The following RAP2A variants were observed in gnomAD, a reference collection of about 807,000 sequenced individuals.
RAP2A encodes the protein RAP2A, member of RAS oncogene family.
A neutral mutation model predicts 15.1 loss-of-function variants in RAP2A; 5 were observed. That is an observed-to-expected ratio of 0.33 (90% CI 0.17 to 0.70). RAP2A has a LOEUF of 0.70. Ranked by LOEUF, RAP2A falls within the 30% of genes least tolerant of loss-of-function variation. The pLI, the probability that RAP2A is intolerant of heterozygous loss-of-function variation, is 0.68. For missense variants in RAP2A, 111 were observed against 240.3 expected, an observed-to-expected ratio of 0.46 and a Z score of 3.56; for synonymous variants, 110 against 99.7, an observed-to-expected ratio of 1.10 and a Z score of -0.62.
rs1239621018 is a variant in RAP2A at position 97,467,359 on chromosome 13, T to C, written c.*2917T>C. On this transcript the variant is annotated 3_prime_UTR_variant, in exon 2 of 2. Coordinates refer to ENST00000245304, the MANE Select transcript of RAP2A (RefSeq NM_021033.7). ...TGCTTTGATGATTTTCTCCTTTGGTTTGTAGAATTAGGACTGAACTTTTGA... is the reference window on the plus strand; with the variant it reads ...TGCTTTGATGATTTTCTCCTTTGGTCTGTAGAATTAGGACTGAACTTTTGA... The C allele has an allele frequency of 6.6e-6, 1 of 152,640 alleles. No homozygotes were observed. Among genetic ancestry groups the C allele is most frequent in the Non-Finnish European group, 1.5e-5 (1 of 68,042 alleles). The allele number at this position is 152,640 out of a possible 1,614,324, so 9.5% of individuals were successfully genotyped here. A position where few individuals can be genotyped will look rare whatever the true frequency, so the allele number is the denominator to read the frequency against.
intron 1 of RAP2A, among the ~76,000 whole-genome samples, chr13:97,438,500 G>T (rs1274078181): frequency 6.6e-6 from 1 of 152,074 alleles, no homozygotes; most frequent in Non-Finnish European, 1.5e-5. Flanking sequence ...AATGTTTTTT[G>T]TGAAATATCA....
chr13:97,461,624 G>A (rs1200978298), intron 1 of RAP2A, among the ~76,000 whole-genome samples: 2 of 152,088 alleles, frequency 1.3e-5, no homozygotes, highest in South Asian at 2.1e-4. Flanking sequence ...ACATATTCTA[G>A]TAGATCCTGA....
rs958263881 is a variant in RAP2A at position 97,468,680 on chromosome 13, A to G, written c.*4238A>G. The stretch of plus-strand genomic sequence containing the variant: ...AGGCACTGTAGATAGAATCCCAGAT[A>G]TTTAAAGGAAAACATGCCTATATTT... On this transcript the variant is annotated 3_prime_UTR_variant, in exon 2 of 2. Transcript: ENST00000245304. 6.6e-6 allele frequency: 1 copy of G among 152,250 alleles called. No homozygotes were observed. The highest frequency in any genetic ancestry group is 2.4e-5 in the African/African-American group (1 of 41,468). 9.4% of individuals were successfully genotyped at this position (152,250 alleles called of 1,614,324 possible).
chr13:97,464,195 T>G lies in RAP2A; in HGVS notation c.315-10T>G. ...TACAATGTATGTGTGTTTTGTTTAT[T>G]CTCTCATAGGTATGAGAAAGTGCCA... On this transcript the variant is annotated splice_polypyrimidine_tract_variant and intron_variant, in intron 1 of 1. Coordinates refer to ENST00000245304, the MANE Select transcript of RAP2A (RefSeq NM_021033.7). 1 of 1,613,186 alleles carries G rather than the reference T, an allele frequency of 6.2e-7. No individual in the cohort carries two copies.
At chr13:97,448,229 G>A (rs1347143210) in intron 1 of RAP2A, among the ~76,000 whole-genome samples, 1 of 152,164 alleles carries the variant, frequency 6.6e-6, no homozygotes, top group Non-Finnish European at 1.5e-5. Context: ...CTTGGCCAGA[G>A]GAATGGAAGC....
At chr13:97,449,232 ATAGT>A (rs767481899) in intron 1 of RAP2A, among the ~76,000 whole-genome samples, 45 of 152,196 alleles carry the variant, frequency 3.0e-4, no homozygotes, top group East Asian at 1.4e-3. Flanking sequence ...TTTTTATGGG[ATAGT>A]TGGTTGGGGG....
intron 1 of RAP2A, among the ~76,000 whole-genome samples, chr13:97,444,520 A>G (rs991640912): frequency 3.9e-5 from 6 of 152,196 alleles, no homozygotes; most frequent in Admixed American, 3.3e-4. Flanking sequence ...GTCTTTGTAT[A>G]AAAGTCATCA....
Position 97,443,912 on chromosome 13 carries a change from TGTA to T in RAP2A, c.314+9132_314+9134del, listed in dbSNP as rs1449789082. Among the ~76,000 whole-genome samples the T allele has an allele frequency of 3.3e-5, 5 of 152,236 alleles. No individual in the cohort carries two copies. The South Asian group carries it at 6.2e-4, about 19-fold the overall frequency. On this transcript the variant is annotated intron_variant, in intron 1 of 1. Transcript: ENST00000245304. ...TTCCTCATTTGTAATATGAGTATGA[TGTA>T]GTAACTCGTGAGATAACGAACGTAA... is the stretch of plus-strand genomic sequence containing the variant.
intron 1 of RAP2A, chr13:97,437,224 G>A (rs1248048775): frequency 6.6e-6 from 1 of 151,930 alleles, no homozygotes; most frequent in Non-Finnish European, 1.5e-5. Flanking sequence ...TATTAATAAG[G>A]TACTTTACTT....
chr13:97,446,935 T>C (rs1473035144), intron 1 of RAP2A, among the ~76,000 whole-genome samples: 2 of 152,246 alleles, frequency 1.3e-5, no homozygotes, highest in African/African-American at 2.4e-5. Flanking sequence ...AAATGGCTAT[T>C]TTAAGCCCCT....
chr13:97,438,039 A>G (rs528365879), intron 1 of RAP2A, among the ~76,000 whole-genome samples: 1 of 152,352 alleles, frequency 6.6e-6, no homozygotes, highest in East Asian at 1.9e-4. Flanking sequence ...TTGTAAATTC[A>G]TATGCTTTCT....
At chr13:97,441,957 A>G (rs978906440) in intron 1 of RAP2A, 7 of 216,830 alleles carry the variant, frequency 3.2e-5, no homozygotes, top group South Asian at 2.1e-4. Context: ...TATGCCATAT[A>G]TTATATATTG....
intron 1 of RAP2A, among the ~76,000 whole-genome samples, chr13:97,461,971 A>AAAAT (rs1555326904): frequency 1.1e-4 from 15 of 142,062 alleles, no homozygotes; most frequent in African/African-American, 4.0e-4. Flanking sequence ...TCAAAAAAAA[A>AAAAT]ATATATATAT....
At chr13:97,440,811 C>G (rs548213575) in intron 1 of RAP2A, among the ~76,000 whole-genome samples, 1 of 149,694 alleles carries the variant, frequency 6.7e-6, no homozygotes, top group Non-Finnish European at 1.5e-5. Context: ...TCTATCCATT[C>G]ATTCATTCAT....
rs557874403 is a variant in RAP2A, at chr13:97,435,481, A to C, written c.314+697A>C. On this transcript the variant is annotated intron_variant, in intron 1 of 1. Coordinates refer to ENST00000245304, the MANE Select transcript of RAP2A (RefSeq NM_021033.7). Reference sequence around the variant, plus strand: ...AACCCCTTCCAAAAAAAAAAAAAAAAAAAAAACACCACCACACCACCACCA... The same window carrying C: ...AACCCCTTCCAAAAAAAAAAAAAAACAAAAAACACCACCACACCACCACCA... Among the ~76,000 whole-genome samples the C allele has an allele frequency of 8.7e-5, 13 of 149,642 alleles. No homozygotes were observed. In the South Asian group the frequency reaches 2.3e-3, roughly 26 times the overall value.
intron 1 of RAP2A, among the ~76,000 whole-genome samples, chr13:97,452,397 AT>A (rs2066705512): frequency 6.6e-6 from 1 of 151,114 alleles, no homozygotes; most frequent in South Asian, 2.1e-4. Flanking sequence ...TCCCCAGTAA[AT>A]TGTAGCCGTA....
At chr13:97,443,263 G>A (rs1182004761) in intron 1 of RAP2A, among the ~76,000 whole-genome samples, 1 of 152,196 alleles carries the variant, frequency 6.6e-6, no homozygotes, top group Non-Finnish European at 1.5e-5. Flanking sequence ...ACATTTAGGA[G>A]TGTTCTCATG....
Position 97,435,183 on chromosome 13 carries a change from A to C in RAP2A, c.314+399A>C, listed in dbSNP as rs568338587. On this transcript the variant is annotated intron_variant, in intron 1 of 1. Coordinates refer to ENST00000245304, the MANE Select transcript of RAP2A (RefSeq NM_021033.7). ...CTGCCTTGGCAATGTTTGACAGTAA[A>C]AATCGCTCACACACCTATACAGTAA... Among the ~76,000 whole-genome samples, 102 of 152,324 alleles carry C rather than the reference A, an allele frequency of 6.7e-4. 1 individual carries two copies. Among genetic ancestry groups the C allele is most frequent in the African/African-American group, 2.3e-3 (95 of 41,556 alleles).
chr13:97,449,715 G>A (rs928662379), intron 1 of RAP2A, among the ~76,000 whole-genome samples: 1 of 143,068 alleles, frequency 7.0e-6, no homozygotes, highest in Non-Finnish European at 1.5e-5. Flanking sequence ...TCTTCATTGT[G>A]CATTTGTTTT....
Sources: gnomAD v4.1 joint callset for allele counts (sites outside exome capture counted in the v4.1 genomes callset) on GRCh38, gnomAD v4.1.1 for gene constraint, MANE v1.5 for transcripts, NCBI Gene and HGNC (gene_info 2026-07-23, HGNC 2026-07-21) for gene names.